GPR158: variants seen among roughly 807,000 people sequenced by gnomAD.
GPR158 encodes the protein metabotropic glycine receptor.
GPR158 carries 30 observed loss-of-function variants against 78.2 expected under a neutral mutation model. The observed-to-expected ratio is 0.38, with a 90% confidence interval of 0.29 to 0.52. The LOEUF is 0.52. GPR158 is among the 20% of genes least tolerant of loss of function. The pLI, the probability that GPR158 is intolerant of heterozygous loss-of-function variation, is 0.83. For missense variants in GPR158, 1,463 were observed against 1,523.5 expected, an observed-to-expected ratio of 0.96 and a Z score of 0.66; for synonymous variants, 581 against 591.1, an observed-to-expected ratio of 0.98 and a Z score of 0.25.
At chr10:25,530,894 C>T (rs1247471080) in intron 5 of GPR158, among the ~76,000 whole-genome samples, 1 of 152,108 alleles carries the variant, frequency 6.6e-6, no homozygotes, top group Non-Finnish European at 1.5e-5. Context: ...TCTCTCCATC[C>T]GAGCAGTAGA....
chr10:25,573,817 G>A (rs1588918826), intron 7 of GPR158, among the ~76,000 whole-genome samples: 2 of 152,182 alleles, frequency 1.3e-5, no homozygotes, highest in East Asian at 3.9e-4. Context: ...AGTTCAAATG[G>A]AGGAATATTT....
chr10:25,254,943 A>G (rs528472635), intron 2 of GPR158, among the ~76,000 whole-genome samples: 43 of 152,334 alleles, frequency 2.8e-4, no homozygotes, highest in African/African-American at 1.0e-3. Context: ...TGAAATCAAC[A>G]TAGAAAGTCT....
At chr10:25,385,500 C>T (rs1773618) in intron 2 of GPR158, among the ~76,000 whole-genome samples, 98,039 of 151,948 alleles carry the variant, frequency 0.65, 32,590 homozygotes, top group Non-Finnish European at 0.73. Flanking sequence ...GATTGCAAGA[C>T]CATATAGTAA....
chr10:25,422,935 T>C (rs981002481), intron 4 of GPR158, among the ~76,000 whole-genome samples: 1 of 149,600 alleles, frequency 6.7e-6, no homozygotes, highest in Non-Finnish European at 1.5e-5. Flanking sequence ...CTCCCAGTTA[T>C]GAGTGAGAAC....
At chr10:25,373,973 T>C (rs972608884) in intron 2 of GPR158, among the ~76,000 whole-genome samples, 4 of 151,742 alleles carry the variant, frequency 2.6e-5, no homozygotes, top group African/African-American at 9.7e-5. Flanking sequence ...ATCTTCATAC[T>C]TAATGATTTT....
At chr10:25,187,094 A>G (rs1293182255) in intron 1 of GPR158, among the ~76,000 whole-genome samples, 4 of 151,142 alleles carry the variant, frequency 2.6e-5, no homozygotes, top group Admixed American at 6.6e-5. Context: ...CCTCCCGAGT[A>G]TCTAGGACTA....
intron 6 of GPR158, among the ~76,000 whole-genome samples, chr10:25,571,179 T>C (rs370157636): frequency 2.2e-4 from 34 of 152,312 alleles, no homozygotes; most frequent in Middle Eastern, 6.8e-3. Context: ...AGAGTAACTG[T>C]TAATCTGGGG....
chr10:25,590,198 C>T (rs1002895223), intron 8 of GPR158, among the ~76,000 whole-genome samples: 1 of 152,034 alleles, frequency 6.6e-6, no homozygotes, highest in African/African-American at 2.4e-5. Context: ...TGCCAGACAG[C>T]AGTGGGCCTC....
intron 2 of GPR158, among the ~76,000 whole-genome samples, chr10:25,359,705 G>C (rs1028744908): frequency 3.3e-5 from 5 of 152,126 alleles, no homozygotes; most frequent in African/African-American, 1.2e-4. Flanking sequence ...TGTGAATAGT[G>C]CTGCAATAAA....
intron 7 of GPR158, among the ~76,000 whole-genome samples, chr10:25,583,657 A>ACT (rs1837231369): frequency 6.6e-6 from 1 of 150,630 alleles, no homozygotes; most frequent in East Asian, 1.9e-4. Context: ...AATTGTAAAT[A>ACT]TTTTTTTTTT....
intron 5 of GPR158, among the ~76,000 whole-genome samples, chr10:25,548,557 C>T (rs1392284802): frequency 6.6e-6 from 1 of 152,066 alleles, no homozygotes; most frequent in African/African-American, 2.4e-5. Flanking sequence ...TGTTGCTGTG[C>T]CCATTTTACA....
intron 3 of GPR158, among the ~76,000 whole-genome samples, chr10:25,400,979 A>C (rs1040143328): frequency 1.3e-5 from 2 of 152,196 alleles, no homozygotes; most frequent in Non-Finnish European, 2.9e-5. Context: ...AAAGAAGGGA[A>C]GCTCATTGAA....
intron 2 of GPR158, among the ~76,000 whole-genome samples, chr10:25,393,292 G>A (rs570272950): frequency 1.3e-5 from 2 of 152,224 alleles, no homozygotes; most frequent in African/African-American, 4.8e-5. Flanking sequence ...TGAAATCAGT[G>A]ATGTTCTATG....
At chr10:25,333,839 A>G (rs889845260) in intron 2 of GPR158, among the ~76,000 whole-genome samples, 2 of 152,140 alleles carry the variant, frequency 1.3e-5, no homozygotes, top group Admixed American at 1.3e-4. Flanking sequence ...AGCTTTGAAA[A>G]AAAGAAAATG....
At chr10:25,332,006 A>C (rs1363905832) in intron 2 of GPR158, among the ~76,000 whole-genome samples, 1 of 152,216 alleles carries the variant, frequency 6.6e-6, no homozygotes, top group East Asian at 1.9e-4. Flanking sequence ...AAGTGAAAAA[A>C]AAAGTTAAAA....
chr10:25,309,155 A>AT (rs1854726129), intron 2 of GPR158, among the ~76,000 whole-genome samples: 1 of 151,928 alleles, frequency 6.6e-6, no homozygotes, highest in African/African-American at 2.4e-5. Flanking sequence ...TGGCTCTACC[A>AT]TTTTACATTC....
intron 4 of GPR158, among the ~76,000 whole-genome samples, chr10:25,450,380 GTTT>G (rs756236063): frequency 1.6e-5 from 1 of 63,908 alleles, no homozygotes; most frequent in Non-Finnish European, 2.6e-5. Context: ...CCTTTTTCAC[GTTT>G]TTTTTTTTTT....
chr10:25,386,259 A>G (rs150677612), intron 2 of GPR158, among the ~76,000 whole-genome samples: 34 of 152,254 alleles, frequency 2.2e-4, no homozygotes, highest in African/African-American at 7.9e-4. Context: ...CATTATATGT[A>G]AGGGTTTATT....
chr10:25,468,403 C>T (rs1347543100), intron 5 of GPR158, among the ~76,000 whole-genome samples: 5 of 152,244 alleles, frequency 3.3e-5, no homozygotes, highest in East Asian at 1.9e-4. Flanking sequence ...CATTCCTAAA[C>T]CTTGTTTTTT....
Sources: allele counts gnomAD v4.1 joint callset (sites outside exome capture counted in the v4.1 genomes callset), GRCh38; gene constraint gnomAD v4.1.1; transcripts MANE v1.5; gene names NCBI Gene and HGNC (gene_info 2026-07-23, HGNC 2026-07-21).